EPHB4: variants seen among roughly 807,000 people sequenced by gnomAD.
EPHB4 encodes the protein EPH receptor B4.
In EPHB4, 50 loss-of-function variants were observed where a neutral mutation model predicts 110.6. The ratio of observed to expected loss-of-function variants is 0.45; its 90% CI spans 0.36 to 0.57. EPHB4 has a LOEUF of 0.57. Among genes scored for constraint, EPHB4 ranks in the 20% least tolerant of loss-of-function variants. EPHB4 has a pLI of 0.00. For synonymous variants in EPHB4, 592 were observed against 578.4 expected, an observed-to-expected ratio of 1.02 and a Z score of -0.34; for missense variants, 1,128 against 1,382.1, an observed-to-expected ratio of 0.82 and a Z score of 2.91.
chr7:100,807,227 AC>A, intron 13 of EPHB4, 137 bp downstream of exon 13: 1 of 819,018 alleles, frequency 1.2e-6, no homozygotes, highest in South Asian at 1.7e-5. Flanking sequence ...CCTGGAGCTG[AC>A]TGTCCCCCCA....
At chr7:100,807,617 G>T in intron 12 of EPHB4, 37 bp from the exon 13 acceptor site, 1 of 1,585,810 alleles carries the variant, frequency 6.3e-7, no homozygotes, top group Non-Finnish European at 8.6e-7. Flanking sequence ...GGTGAGGACA[G>T]CCCACCCACC....
Position 100,827,156 on chromosome 7 carries a change from C to A in EPHB4, c.-126G>T. 1 of 965,106 alleles carries A rather than the reference C, an allele frequency of 1.0e-6. No homozygotes were observed. Among genetic ancestry groups the A allele is most frequent in the Non-Finnish European group, 1.4e-6 (1 of 696,706 alleles). The allele number at this position is 965,106 out of a possible 1,614,324, so 59.8% of individuals were successfully genotyped here. Reference sequence around the variant, plus strand: ...GGACTCCTCGTCGGGGCCCTCAGCGCGGGCCCATGCGAGCGTGCGGGGCAC... The same window carrying A: ...GGACTCCTCGTCGGGGCCCTCAGCGAGGGCCCATGCGAGCGTGCGGGGCAC... On this transcript the variant is annotated 5_prime_UTR_variant, in exon 1 of 17. Transcript: ENST00000358173.
chr7:100,804,667 T>C (rs1812776248), intron 16 of EPHB4, among the ~76,000 whole-genome samples: 36 of 151,834 alleles, frequency 2.4e-4, no homozygotes, highest in Admixed American at 2.4e-3. Flanking sequence ...TGAGAGGAGA[T>C]CTTGGGAGAG....
In EPHB4 at chr7:100,803,554, G is replaced by A. The variant is rs1812746844; in HGVS notation, c.2871C>T (p.His957=). Residue 957 remains histidine, a synonymous_variant, in exon 17 of 17, where the codon CAC becomes CAT. Coordinates refer to ENST00000358173, the MANE Select transcript of EPHB4 (RefSeq NM_004444.5). ...LLRIGVTLAG[H]QKKILASVQH... ...GGACACTGGCCAAGATTTTCTTCTG[G>A]TGTCCCGCCAGAGTGACTCCGATTC... 4 of 1,605,434 alleles carry A rather than the reference G, an allele frequency of 2.5e-6. No homozygotes were observed. Among genetic ancestry groups the A allele is most frequent in the South Asian group, 1.1e-5 (1 of 89,140 alleles).
chr7:100,805,584 G>A lies in EPHB4; in HGVS notation c.2595C>T (p.Pro865=). 1 of 1,555,358 alleles carries A rather than the reference G, an allele frequency of 6.4e-7. No individual in the cohort carries two copies. The highest frequency in any genetic ancestry group is 2.0e-5 in the Admixed American group (1 of 48,824). Residue 865 remains proline, a synonymous_variant, in exon 15 of 17, where the codon CCC becomes CCT. Transcript: ENST00000358173. ...DCWQKDRNAR[P]RFPQVVSALD... is the part of the protein sequence containing the mutation. Reference sequence around the variant, plus strand: ...GGGCGCTGACCACCTGGGGGAAGCGGGGCCGGGCATTCCGGTCTTTCTGCC... The same window carrying A: ...GGGCGCTGACCACCTGGGGGAAGCGAGGCCGGGCATTCCGGTCTTTCTGCC...
rs866852708 is a variant in EPHB4 at position 100,822,967 on chromosome 7, G to A, written c.412-300C>T. On this transcript the variant is annotated intron_variant, in intron 3 of 16. Transcript: ENST00000358173. The surrounding 1 kb of genome is among the most constrained non-coding windows in gnomAD (Gnocchi z 4.7). Reference sequence around the variant, plus strand: ...TTGACCTCAGAGTCAAGGAGACAGCGATGAATGAATCCTGGGGAAGTTATA... The same window carrying A: ...TTGACCTCAGAGTCAAGGAGACAGCAATGAATGAATCCTGGGGAAGTTATA... 3.9e-5 allele frequency among the ~76,000 whole-genome samples: 6 copies of A among 152,118 alleles called. No individual in the cohort carries two copies. Among genetic ancestry groups the A allele is most frequent in the African/African-American group, 1.2e-4 (5 of 41,420 alleles).
chr7:100,818,068 G>A (rs1042365112), intron 7 of EPHB4, among the ~76,000 whole-genome samples: 5 of 149,654 alleles, frequency 3.3e-5, no homozygotes, highest in African/African-American at 7.4e-5. Context: ...GGGTTTCACC[G>A]TGTTAGCCAG....
chr7:100,807,255 G>C (rs901557525), intron 13 of EPHB4, 110 bp downstream of exon 13: 1 of 1,148,186 alleles, frequency 8.7e-7, no homozygotes, highest in African/African-American at 1.5e-5. Flanking sequence ...GCCTGCTCCT[G>C]TATCCTCTCC....
chr7:100,804,156 C>T (rs150888966), intron 16 of EPHB4, among the ~76,000 whole-genome samples: 2,525 of 152,070 alleles, frequency 0.017, 26 homozygotes, highest in Non-Finnish European at 0.026. Context: ...ACCACCATGC[C>T]CAGCTAATTT....
chr7:100,823,999 C>G, intron 2 of EPHB4, 68 bp from the exon 3 acceptor site: 2 of 1,517,626 alleles, frequency 1.3e-6, no homozygotes, highest in Non-Finnish European at 1.8e-6. Context: ...TGGGGTGAAT[C>G]CTATAAAGTG....
At chr7:100,820,046 G>C in intron 5 of EPHB4, 95 bp downstream of exon 5, 2 of 1,537,212 alleles carry the variant, frequency 1.3e-6, no homozygotes, top group Non-Finnish European at 1.8e-6. Context: ...GGGACAAAGG[G>C]AAGAAGCCCA....
At chr7:100,823,283 G>A (rs1373359971) in intron 3 of EPHB4, among the ~76,000 whole-genome samples, 1 of 152,154 alleles carries the variant, frequency 6.6e-6, no homozygotes, top group Non-Finnish European at 1.5e-5. Context: ...GTGAGAGGCA[G>A]AGAGGCCCCC....
chr7:100,813,329 T>TTTTTTC, intron 10 of EPHB4, 121 bp from the exon 11 acceptor site: 2 of 761,952 alleles, frequency 2.6e-6, no homozygotes, highest in South Asian at 2.0e-5. Context: ...TTTTTTTTTT[T>TTTTTTC]CCTGAGATGG....
intron 15 of EPHB4, 34 bp downstream of exon 15, chr7:100,805,467 G>A: frequency 6.5e-7 from 1 of 1,531,058 alleles, no homozygotes; most frequent in South Asian, 1.3e-5. Flanking sequence ...GGGGCAGAGA[G>A]CGGGAAGGAG....
Position 100,822,726 on chromosome 7 carries a change from T to C in EPHB4, c.412-59A>G, listed in dbSNP as rs2116458945. 1.4e-6 allele frequency: 2 copies of C among 1,452,734 alleles called. No homozygotes were observed. Among genetic ancestry groups the C allele is most frequent in the Admixed American group, 5.2e-5 (2 of 38,550 alleles). 90.0% of individuals were successfully genotyped at this position (1,452,734 alleles called of 1,614,324 possible). A position where few individuals can be genotyped will look rare whatever the true frequency, so the allele number is the denominator to read the frequency against. ...CCCACTCCCTGAGGACCCAGCGGAC[T>C]GTTGTGTTCTTCCCAGCTCACCCTC... On this transcript the variant is annotated intron_variant, in intron 3 of 16. Transcript: ENST00000358173. This position sits in a 1 kb window ranked among gnomAD's most constrained non-coding sequence, Gnocchi z 4.7.
chr7:100,824,098 T>C (rs966851962), intron 2 of EPHB4, 105 bp downstream of exon 2: 21 of 1,556,920 alleles, frequency 1.3e-5, no homozygotes, highest in South Asian at 1.1e-5. Context: ...TGCTGTCATC[T>C]GGGGGGACAG....
intron 16 of EPHB4, 119 bp from the exon 17 acceptor site, chr7:100,803,709 G>T: frequency 7.7e-7 from 1 of 1,292,120 alleles, no homozygotes; most frequent in Non-Finnish European, 1.0e-6. Context: ...GCCAGCGGGG[G>T]AGGGAGAACA....
chr7:100,806,772 C>T (rs1812826567), intron 13 of EPHB4, among the ~76,000 whole-genome samples: 1 of 152,102 alleles, frequency 6.6e-6, no homozygotes, highest in African/African-American at 2.4e-5. Flanking sequence ...CCGGGTTCAA[C>T]TGGTTCTCCT....
rs1813434849 is a variant in EPHB4 at position 100,827,249 on chromosome 7, T to C, written c.-219A>G. ...CGCGGGCGGCGGGCCCGGAGCGTGC[T>C]GGCAGTGGCCGCGCCGGGCGGGCGC... On this transcript the variant is annotated 5_prime_UTR_variant, in exon 1 of 17. Transcript: ENST00000358173. 1 of 176,966 alleles carries C rather than the reference T, an allele frequency of 5.7e-6. No individual in the cohort carries two copies. The highest frequency in any genetic ancestry group is 1.1e-5 in the Non-Finnish European group (1 of 87,984). 11.0% of individuals were successfully genotyped at this position (176,966 alleles called of 1,614,324 possible).
Sources: allele counts gnomAD v4.1 joint callset (sites outside exome capture counted in the v4.1 genomes callset), GRCh38; gene constraint gnomAD v4.1.1; non-coding constraint Gnocchi (gnomAD v3.1); transcripts MANE v1.5; gene names NCBI Gene and HGNC (gene_info 2026-07-23, HGNC 2026-07-21).